PYGO1: variants seen among roughly 807,000 people sequenced by gnomAD.
PYGO1 encodes pygopus family PHD finger 1.
PYGO1 carries 6 observed loss-of-function variants against 29.5 expected under a neutral mutation model. The observed-to-expected ratio is 0.20, with a 90% CI of 0.11 to 0.40. The LOEUF is 0.40. Ranked by LOEUF, PYGO1 falls within the 10% of genes least tolerant of loss-of-function variation. The pLI is 1.00. For missense variants in PYGO1, 515 were observed against 514.9 expected, an observed-to-expected ratio of 1.00 and a Z score of 0.00; for synonymous variants, 186 against 180.5, an observed-to-expected ratio of 1.03 and a Z score of -0.24.
intron 1 of PYGO1, among the ~76,000 whole-genome samples, chr15:55,551,704 G>A: frequency 6.6e-6 from 1 of 152,116 alleles, no homozygotes; most frequent in East Asian, 1.9e-4. Flanking sequence ...CTACTCAGGA[G>A]GCTGAGGTGG....
At chr15:55,573,068 A>T (rs1248713394) in intron 1 of PYGO1, among the ~76,000 whole-genome samples, 1 of 150,522 alleles carries the variant, frequency 6.6e-6, no homozygotes, top group Non-Finnish European at 1.5e-5. Context: ...GCACTTTGGG[A>T]GGCTGAGGTG....
intron 1 of PYGO1, among the ~76,000 whole-genome samples, chr15:55,563,071 GA>G (rs377026381): frequency 2.4e-3 from 356 of 150,830 alleles, no homozygotes; most frequent in African/African-American, 8.2e-3. Flanking sequence ...AGAAACAAAA[GA>G]AAAAAAACAT....
At chr15:55,557,234 A>G (rs943298984) in intron 1 of PYGO1, among the ~76,000 whole-genome samples, 10 of 152,342 alleles carry the variant, frequency 6.6e-5, no homozygotes, top group African/African-American at 2.2e-4. Flanking sequence ...AATAAACTAG[A>G]AAATCTAGAA....
At chr15:55,553,102 A>C (rs1379988553) in intron 1 of PYGO1, among the ~76,000 whole-genome samples, 1 of 152,068 alleles carries the variant, frequency 6.6e-6, no homozygotes, top group Non-Finnish European at 1.5e-5. Context: ...GTGCTCTACA[A>C]TGCAGCACAG....
chr15:55,554,028 A>C (rs1026349274), intron 1 of PYGO1, among the ~76,000 whole-genome samples: 1 of 152,204 alleles, frequency 6.6e-6, no homozygotes, highest in African/African-American at 2.4e-5. Flanking sequence ...AACCCCATCC[A>C]AAGGTCAGCA....
intron 1 of PYGO1, among the ~76,000 whole-genome samples, chr15:55,550,339 C>A (rs75474191): frequency 6.6e-6 from 1 of 152,154 alleles, no homozygotes; most frequent in African/African-American, 2.4e-5. Flanking sequence ...GGTCTTCCAA[C>A]GGGAGCTCTA....
chr15:55,569,090 G>T (rs1467214534), intron 1 of PYGO1, among the ~76,000 whole-genome samples: 2 of 151,552 alleles, frequency 1.3e-5, no homozygotes, highest in Non-Finnish European at 2.9e-5. Context: ...TTTTGGTATT[G>T]GGATGATGGG....
chr15:55,556,453 A>C (rs1595984502), intron 1 of PYGO1, among the ~76,000 whole-genome samples: 1 of 152,230 alleles, frequency 6.6e-6, no homozygotes, highest in African/African-American at 2.4e-5. Context: ...AACTAATGAG[A>C]ACAAAGAGAC....
chr15:55,568,596 T>C (rs1323907228), intron 1 of PYGO1, among the ~76,000 whole-genome samples: 2 of 152,124 alleles, frequency 1.3e-5, no homozygotes, highest in African/African-American at 4.8e-5. Context: ...TTCTTTCTCT[T>C]GCCTGAGTGC....
At chr15:55,574,571 G>A (rs1330301359) in intron 1 of PYGO1, among the ~76,000 whole-genome samples, 1 of 152,064 alleles carries the variant, frequency 6.6e-6, no homozygotes, top group Non-Finnish European at 1.5e-5. Context: ...GGGTTCATCT[G>A]TTGAGTTTTT....
chr15:55,570,344 C>G (rs1421927890), intron 1 of PYGO1, among the ~76,000 whole-genome samples: 1 of 152,216 alleles, frequency 6.6e-6, no homozygotes, highest in East Asian at 1.9e-4. Context: ...GAAAAAGAAG[C>G]CTGCTTTTGT....
intron 1 of PYGO1, among the ~76,000 whole-genome samples, chr15:55,581,315 T>C (rs2059024049): frequency 6.6e-6 from 1 of 151,970 alleles, no homozygotes; most frequent in African/African-American, 2.4e-5. Context: ...AGGACAACAT[T>C]TAGAGAGGAA....
intron 1 of PYGO1, among the ~76,000 whole-genome samples, chr15:55,559,340 G>A (rs11071194): frequency 0.87 from 132,463 of 151,446 alleles, 58,103 homozygotes; most frequent in Admixed American, 0.92. Context: ...ACAGGTGCTG[G>A]AGAGGATGTG....
chr15:55,556,121 TTCAGGACCTGCACTCAGCTCTGGGTCA>T (rs2058903847), intron 1 of PYGO1, among the ~76,000 whole-genome samples: 2 of 152,082 alleles, frequency 1.3e-5, no homozygotes, highest in Admixed American at 1.3e-4. Flanking sequence ...AACAAAGATA[TTCAGGACCTGCACTCAGCTCTGGGTCA>T]AGAGGACCTG....
At chr15:55,554,633 A>T (rs1366720836) in intron 1 of PYGO1, among the ~76,000 whole-genome samples, 1 of 152,150 alleles carries the variant, frequency 6.6e-6, no homozygotes, top group Non-Finnish European at 1.5e-5. Flanking sequence ...TGATAAAACA[A>T]TACAGGTGCT....
chr15:55,556,988 G>A (rs1173670525), intron 1 of PYGO1, among the ~76,000 whole-genome samples: 2 of 151,954 alleles, frequency 1.3e-5, no homozygotes, highest in African/African-American at 2.4e-5. Flanking sequence ...CTGAAATTGA[G>A]GCAGTAATAA....
intron 1 of PYGO1, among the ~76,000 whole-genome samples, chr15:55,580,262 G>C (rs2059020021): frequency 6.6e-6 from 1 of 152,098 alleles, no homozygotes; most frequent in Non-Finnish European, 1.5e-5. Flanking sequence ...AAACCTCAGA[G>C]TTTTCTGCTT....
At chr15:55,547,498 A>C (rs1439698259) in intron 2 of PYGO1, among the ~76,000 whole-genome samples, 1 of 152,216 alleles carries the variant, frequency 6.6e-6, no homozygotes, top group African/African-American at 2.4e-5. Context: ...ACTTTCACTT[A>C]AATACTAAAG....
At chr15:55,549,468 T>C (rs2141647119) in intron 1 of PYGO1, among the ~76,000 whole-genome samples, 1 of 152,324 alleles carries the variant, frequency 6.6e-6, no homozygotes, top group South Asian at 2.1e-4. Flanking sequence ...TTGTAATAGC[T>C]GAGTAGTATT....
Sources: gnomAD v4.1 joint callset for allele counts (sites outside exome capture counted in the v4.1 genomes callset) on GRCh38, gnomAD v4.1.1 for gene constraint, MANE v1.5 for transcripts, NCBI Gene and HGNC (gene_info 2026-07-23, HGNC 2026-07-21) for gene names.